SLC24A2: variants seen among roughly 807,000 people sequenced by gnomAD.
The protein encoded by SLC24A2 is sodium/potassium/calcium exchanger 2.
Under a neutral mutation model 62.0 loss-of-function variants are expected in SLC24A2, and 36 were observed. The observed-to-expected ratio is 0.58, with a 90% CI of 0.44 to 0.77. SLC24A2 has a LOEUF of 0.77. Ranked by LOEUF, SLC24A2 falls within the 30% of genes least tolerant of loss-of-function variation. The probability of loss-of-function intolerance (pLI) is 0.00; values close to 1 mark genes in which losing one functional copy is unlikely to be tolerated. For synonymous variants in SLC24A2, 358 were observed against 294.0 expected (o/e 1.22, Z -2.23); for missense variants, 846 against 817.9 (o/e 1.03, Z -0.42).
the SLC24A2 span, among the ~76,000 whole-genome samples, chr9:20,184,712 A>C: frequency 1.3e-5 from 2 of 152,172 alleles, no homozygotes; most frequent in African/African-American, 2.4e-5. Context: ...AAAAATCAAA[A>C]ATAGAACTAC....
At chr9:20,301,197 G>C in the SLC24A2 span, among the ~76,000 whole-genome samples, 2 of 152,198 alleles carry the variant, frequency 1.3e-5, no homozygotes, top group Non-Finnish European at 2.9e-5. Flanking sequence ...CCTTTGGCAG[G>C]TGAAAGAAAC....
rs149081488 is a variant in SLC24A2, at chr9:19,542,983, A to G, written c.1479+7154T>C. 3.1e-3 allele frequency among the ~76,000 whole-genome samples: 469 copies of G among 152,172 alleles called. 1 individual carries two copies. Among genetic ancestry groups the G allele is most frequent in the Non-Finnish European group, 4.5e-3 (307 of 68,004 alleles). On this transcript the variant is annotated intron_variant, in intron 8 of 10. Coordinates refer to ENST00000341998, the MANE Select transcript of SLC24A2 (RefSeq NM_020344.4). ...GTTAGGGAGGATCCCCTCTTTTTCTATTGTTTGAAATGGTTTCAGAAGGAA... is the reference window on the plus strand; with the variant it reads ...GTTAGGGAGGATCCCCTCTTTTTCTGTTGTTTGAAATGGTTTCAGAAGGAA...
chr9:19,593,464 A>AGG (rs1836615464), intron 5 of SLC24A2, among the ~76,000 whole-genome samples: 2 of 152,064 alleles, frequency 1.3e-5, no homozygotes, highest in South Asian at 4.2e-4. Flanking sequence ...GAGACAGGGG[A>AGG]GGGGGAAAGG....
the SLC24A2 span, among the ~76,000 whole-genome samples, chr9:20,183,934 T>C: frequency 6.6e-6 from 1 of 152,134 alleles, no homozygotes; most frequent in Non-Finnish European, 1.5e-5. Flanking sequence ...CTCAAAAGCT[T>C]CTACATGGTG....
At position 19,563,769 on chromosome 9, in the gene SLC24A2, TAA is replaced by T. The variant is rs1392882145; in HGVS notation, c.1347+9580_1347+9581del. On this transcript the variant is annotated intron_variant, in intron 7 of 10. Transcript: ENST00000341998. ...AATGACCCTTCCTTCCTTTCATCTG[TAA>T]CAAAACTGTTGGTTTTTATAATGAC... 1.2e-3 allele frequency among the ~76,000 whole-genome samples: 60 copies of T among 48,856 alleles called. 10 individuals are homozygous for T. Among genetic ancestry groups the T allele is most frequent in the African/African-American group, 2.2e-3 (26 of 11,860 alleles). 32.1% of individuals were successfully genotyped at this position (48,856 alleles called of 152,430 possible).
At position 19,720,695 on chromosome 9, in the gene SLC24A2, C is replaced by CA. The variant is rs201020619; in HGVS notation, c.930+65241_930+65242insT. Among the ~76,000 whole-genome samples, 8 of 83,128 alleles carry CA rather than the reference C, an allele frequency of 9.6e-5. 1 individual carries two copies. The East Asian group carries it at 1.9e-3, about 20-fold the overall frequency. The allele number at this position is 83,128 out of a possible 152,430, so 54.5% of individuals were successfully genotyped here. A position where few individuals can be genotyped will look rare whatever the true frequency, so the allele number is the denominator to read the frequency against. On this transcript the variant is annotated intron_variant, in intron 2 of 10. Transcript: ENST00000341998. The stretch of plus-strand genomic sequence containing the variant: ...ATTAACAATTACAATGACAACCCCC[C>CA]CCCCCAAAAAAAATCACCTTGATGT...
chr9:20,140,252 T>C, the SLC24A2 span, among the ~76,000 whole-genome samples: 3 of 152,176 alleles, frequency 2.0e-5, no homozygotes, highest in Non-Finnish European at 4.4e-5. Flanking sequence ...TTTTTGTCTT[T>C]TGTGGGGGAG....
At chr9:19,681,609 C>T (rs1240503269) in intron 2 of SLC24A2, among the ~76,000 whole-genome samples, 1 of 152,146 alleles carries the variant, frequency 6.6e-6, no homozygotes, top group African/African-American at 2.4e-5. Context: ...CTGGGTCTCC[C>T]TGGGATTTCC....
chr9:19,754,811 T>C (rs1188556639), intron 2 of SLC24A2, among the ~76,000 whole-genome samples: 1 of 152,012 alleles, frequency 6.6e-6, no homozygotes, highest in Non-Finnish European at 1.5e-5. Flanking sequence ...TCCCGATTCC[T>C]CTCCTGCTCG....
At position 19,786,465 on chromosome 9, in the gene SLC24A2, C is replaced by T. The variant is rs757158542; in HGVS notation, c.402G>A (p.Ala134=). ...TCATTCCAATGACATGCAGAATGAT[C>T]GCACCTTTTCTTCTCTCCTCAAGGG... The part of the protein sequence containing the change: ...IFSLEERRKG[A]IILHVIGMIY... The change falls in exon 2 of 11, where the codon GCG becomes GCA. Residue 134 remains alanine, a synonymous_variant. Transcript: ENST00000341998. The surrounding 1 kb of genome is among the most constrained non-coding windows in gnomAD (Gnocchi z 5.0). The T allele has an allele frequency of 4.3e-6, 7 of 1,614,078 alleles. No homozygotes were observed. Among genetic ancestry groups the T allele is most frequent in the Admixed American group, 1.7e-5 (1 of 60,026 alleles).
chr9:19,543,731 T>A (rs535875950), intron 8 of SLC24A2, among the ~76,000 whole-genome samples: 2 of 152,332 alleles, frequency 1.3e-5, no homozygotes, highest in East Asian at 3.9e-4. Context: ...TCCATGTAGT[T>A]GTGCAGTTTT....
At chr9:20,187,495 C>T in the SLC24A2 span, among the ~76,000 whole-genome samples, 1 of 152,208 alleles carries the variant, frequency 6.6e-6, no homozygotes, top group Non-Finnish European at 1.5e-5. Flanking sequence ...AGCCTCATCT[C>T]ATGCCCTTCC....
chr9:19,527,978 C>A, intron 9 of SLC24A2, 71 bp downstream of exon 9: 1 of 975,220 alleles, frequency 1.0e-6, no homozygotes, highest in Middle Eastern at 2.0e-4. Flanking sequence ...AAAGCAAACA[C>A]AATGATTAAA....
chr9:19,842,289 G>T, the SLC24A2 span, among the ~76,000 whole-genome samples: 1 of 152,130 alleles, frequency 6.6e-6, no homozygotes, highest in African/African-American at 2.4e-5. Flanking sequence ...ATGCAGCACT[G>T]GGATCATAAC....
At chr9:19,978,711 G>A in the SLC24A2 span, among the ~76,000 whole-genome samples, 1 of 152,088 alleles carries the variant, frequency 6.6e-6, no homozygotes, top group African/African-American at 2.4e-5. Context: ...GGGTAAGGCA[G>A]TGAAGAAAAA....
chr9:19,604,122 A>C (rs142404648), intron 4 of SLC24A2, among the ~76,000 whole-genome samples: 2 of 152,356 alleles, frequency 1.3e-5, no homozygotes, highest in African/African-American at 4.8e-5. Flanking sequence ...TTAAATATCT[A>C]TTTAAAGTGC....
intron 2 of SLC24A2, among the ~76,000 whole-genome samples, chr9:19,652,052 T>G (rs1302272707): frequency 6.6e-6 from 1 of 152,216 alleles, no homozygotes; most frequent in African/African-American, 2.4e-5. Flanking sequence ...AAAATTATAC[T>G]AAGTGTTCTG....
chr9:19,510,087 G>A lies in SLC24A2; in HGVS notation c.*6066C>T, dbSNP rs546551675. On this transcript the variant is annotated 3_prime_UTR_variant, in exon 11 of 11. Coordinates refer to ENST00000341998, the MANE Select transcript of SLC24A2 (RefSeq NM_020344.4). ...GAGTTTTGGAGTAATCTAAAGTGGTGTCTCCCCAATTTTGAGTTCTTTGTG... is the reference window on the plus strand; with the variant it reads ...GAGTTTTGGAGTAATCTAAAGTGGTATCTCCCCAATTTTGAGTTCTTTGTG... The A allele has an allele frequency of 5.4e-4, 82 of 152,236 alleles. No homozygotes were observed. Among genetic ancestry groups the A allele is most frequent in the African/African-American group, 2.0e-3 (82 of 41,548 alleles). 9.4% of individuals were successfully genotyped at this position (152,236 alleles called of 1,614,324 possible).
chr9:19,552,189 G>A (rs1453420050), intron 7 of SLC24A2, among the ~76,000 whole-genome samples: 1 of 152,178 alleles, frequency 6.6e-6, no homozygotes, highest in African/African-American at 2.4e-5. Flanking sequence ...TTTGGTGGAA[G>A]CTTGGTGTGC....
Sources: gnomAD v4.1 joint callset for allele counts (sites outside exome capture counted in the v4.1 genomes callset) on GRCh38, gnomAD v4.1.1 for gene constraint, Gnocchi (gnomAD v3.1) non-coding constraint, MANE v1.5 for transcripts, NCBI Gene and HGNC (gene_info 2026-07-23, HGNC 2026-07-21) for gene names.